The following ARFGEF2 variants were observed in gnomAD, a reference collection of about 807,000 sequenced individuals.
ARFGEF2 encodes brefeldin A-inhibited guanine nucleotide-exchange protein 2.
In ARFGEF2, 74 loss-of-function variants were observed where a neutral mutation model predicts 219.9. That is an observed-to-expected ratio of 0.34 (90% CI 0.28 to 0.41). The LOEUF (loss-of-function observed/expected upper bound fraction) is 0.41, where lower values mean the gene tolerates loss of function less well. ARFGEF2 is among the 10% of genes least tolerant of loss of function. The probability of loss-of-function intolerance (pLI) is 1.00; values close to 1 mark genes in which losing one functional copy is unlikely to be tolerated. For missense variants in ARFGEF2, 1,743 were observed against 2,218.3 expected, an observed-to-expected ratio of 0.79 and a Z score of 4.30; for synonymous variants, 733 against 799.2, an observed-to-expected ratio of 0.92 and a Z score of 1.40.
At chr20:48,997,991 G>A in intron 23 of ARFGEF2, 3 of 560,904 alleles carry the variant, frequency 5.3e-6, no homozygotes, top group Non-Finnish European at 9.7e-6. Context: ...CCAAGTAGCT[G>A]GGATTACAGG....
chr20:49,021,362 C>T (rs1323354135), intron 34 of ARFGEF2, among the ~76,000 whole-genome samples: 3 of 152,018 alleles, frequency 2.0e-5, no homozygotes, highest in African/African-American at 7.3e-5. Flanking sequence ...ATGTTTTCAA[C>T]ATTCTGATTT....
chr20:48,994,622 A>C, intron 22 of ARFGEF2, 24 bp downstream of exon 22: 1 of 1,612,612 alleles, frequency 6.2e-7, no homozygotes, highest in Non-Finnish European at 8.5e-7. Context: ...CCCCACAGCT[A>C]ACAGTCACGG....
At chr20:49,005,252 C>A in intron 26 of ARFGEF2, 31 bp downstream of exon 26, 2 of 1,613,486 alleles carry the variant, frequency 1.2e-6, no homozygotes, top group South Asian at 1.1e-5. Context: ...GACGCTTGGT[C>A]AAATTCCCCG....
At chr20:48,971,395 A>G (rs1568713450) in intron 10 of ARFGEF2, 41 bp downstream of exon 10, 5 of 1,359,888 alleles carry the variant, frequency 3.7e-6, no homozygotes, top group Non-Finnish European at 5.2e-6. Flanking sequence ...ATTTACTATT[A>G]TTATTAGTCA....
chr20:48,936,328 G>T (rs1226984051), intron 1 of ARFGEF2, among the ~76,000 whole-genome samples: 1 of 150,962 alleles, frequency 6.6e-6, no homozygotes, highest in African/African-American at 2.4e-5. Context: ...CCCGGACGGG[G>T]CGGCTGGCTG....
At chr20:49,019,944 C>T (rs1161108038) in intron 34 of ARFGEF2, among the ~76,000 whole-genome samples, 1 of 152,044 alleles carries the variant, frequency 6.6e-6, no homozygotes, top group African/African-American at 2.4e-5. Flanking sequence ...ATGTGTTTTA[C>T]TGTCATTTAA....
At position 48,941,865 on chromosome 20, in the gene ARFGEF2, C is replaced by T; in HGVS notation, c.154C>T (p.Leu52Phe). The stretch of plus-strand genomic sequence containing the variant: ...GACCCTCTCTTGCTTTTCTCCTAGG[C>T]TTGGCACTGCTGCACCACCAAAGGC... ...EIKAEIEKQR[L>F]GTAAPPKANF... The change falls in exon 3 of 39, where the codon CTT (leucine) becomes TTT (phenylalanine). Residue 52 changes from leucine (L) to phenylalanine (F), a missense_variant and splice_region_variant. By Grantham distance (22) the Leu-to-Phe change is conservative. This residue lies in a region of ARFGEF2 where 394 missense variants were observed against 426.6 expected (regional missense o/e 0.92). Coordinates refer to ENST00000371917, the MANE Select transcript of ARFGEF2 (RefSeq NM_006420.3). The T allele has an allele frequency of 6.2e-7, 1 of 1,614,238 alleles. No homozygotes were observed. Among genetic ancestry groups the T allele is most frequent in the Non-Finnish European group, 8.5e-7 (1 of 1,180,044 alleles).
intron 37 of ARFGEF2, among the ~76,000 whole-genome samples, chr20:49,031,476 G>A (rs1471812447): frequency 6.6e-6 from 1 of 152,054 alleles, no homozygotes; most frequent in Non-Finnish European, 1.5e-5. Flanking sequence ...TGATCTGCTT[G>A]CGTTGGCCTC....
rs2091088861 is a variant in ARFGEF2, at chr20:48,953,809, T to G, written c.838+19T>G. 1 of 1,609,236 alleles carries G rather than the reference T, an allele frequency of 6.2e-7. No homozygotes were observed. Among genetic ancestry groups the G allele is most frequent in the African/African-American group, 1.3e-5 (1 of 74,934 alleles). On this transcript the variant is annotated intron_variant, in intron 6 of 38. Coordinates refer to ENST00000371917, the MANE Select transcript of ARFGEF2 (RefSeq NM_006420.3). ...CTGTCAGGTACGGGCTGATACGGTA[T>G]GGCTCTTTTTCCAAGTGTGAGAGGG...
chr20:48,955,037 T>C (rs905694683), intron 6 of ARFGEF2, among the ~76,000 whole-genome samples: 1 of 152,204 alleles, frequency 6.6e-6, no homozygotes, highest in African/African-American at 2.4e-5. Context: ...GCTTCCACTT[T>C]AGCCCATTTT....
intron 23 of ARFGEF2, among the ~76,000 whole-genome samples, chr20:48,997,050 A>AT (rs1774659299): frequency 6.6e-6 from 1 of 151,796 alleles, no homozygotes; most frequent in African/African-American, 2.4e-5. Flanking sequence ...TATTCTATTT[A>AT]TTAACCACGT....
intron 1 of ARFGEF2, among the ~76,000 whole-genome samples, chr20:48,940,175 A>G (rs1440875730): frequency 6.6e-6 from 1 of 152,230 alleles, no homozygotes; most frequent in Non-Finnish European, 1.5e-5. Context: ...TTTTATTCCT[A>G]TAACCCTGCC....
chr20:49,011,887 C>T, intron 27 of ARFGEF2, 37 bp from the exon 28 acceptor site: 1 of 1,613,364 alleles, frequency 6.2e-7, no homozygotes, highest in Non-Finnish European at 8.5e-7. Context: ...ATTTCTAAAT[C>T]CTGGTCTTAT....
At chr20:48,924,185 C>T (rs1187839074) in intron 1 of ARFGEF2, among the ~76,000 whole-genome samples, 2 of 152,198 alleles carry the variant, frequency 1.3e-5, no homozygotes, top group African/African-American at 2.4e-5. Context: ...CTCTCAAGGC[C>T]CAGTCTTGTG....
chr20:49,030,043 G>T (rs2091624787), intron 37 of ARFGEF2, among the ~76,000 whole-genome samples: 2 of 151,632 alleles, frequency 1.3e-5, no homozygotes, highest in African/African-American at 4.9e-5. Flanking sequence ...GAGTAGCTGG[G>T]ACTACAGGCG....
At chr20:48,933,239 G>A (rs1336718986) in intron 1 of ARFGEF2, among the ~76,000 whole-genome samples, 2 of 152,218 alleles carry the variant, frequency 1.3e-5, no homozygotes, top group Non-Finnish European at 2.9e-5. Flanking sequence ...AAGATGTGGA[G>A]CAATAAAGTG....
intron 26 of ARFGEF2, among the ~76,000 whole-genome samples, chr20:49,007,186 A>G (rs1028401252): frequency 6.6e-6 from 1 of 152,130 alleles, no homozygotes; most frequent in Non-Finnish European, 1.5e-5. Context: ...TGTGCTGATG[A>G]ATTGGCCATG....
chr20:48,947,172 G>A lies in ARFGEF2; in HGVS notation c.277-4151G>A, dbSNP rs368260258. On this transcript the variant is annotated intron_variant, in intron 3 of 38. Coordinates refer to ENST00000371917, the MANE Select transcript of ARFGEF2 (RefSeq NM_006420.3). Reference sequence around the variant, plus strand: ...CCAGCACTTTGGGAGGCCGAGACGGGCAGATTGCCTGAGCTCAGGAGTTCA... The same window carrying A: ...CCAGCACTTTGGGAGGCCGAGACGGACAGATTGCCTGAGCTCAGGAGTTCA... 9.9e-5 allele frequency among the ~76,000 whole-genome samples: 15 copies of A among 151,646 alleles called. 1 individual carries two copies. Among genetic ancestry groups the A allele is most frequent in the South Asian group, 8.4e-4 (4 of 4,788 alleles).
intron 25 of ARFGEF2, among the ~76,000 whole-genome samples, chr20:49,000,843 C>G (rs1302124487): frequency 2.6e-5 from 4 of 152,154 alleles, no homozygotes; most frequent in Non-Finnish European, 5.9e-5. Context: ...AGGGGAACAT[C>G]AGTTTGCTCA....
Sources: allele counts gnomAD v4.1 joint callset (sites outside exome capture counted in the v4.1 genomes callset), GRCh38; gene constraint gnomAD v4.1.1; regional missense constraint gnomAD v4.1.1; transcripts MANE v1.5; gene names NCBI Gene and HGNC (gene_info 2026-07-23, HGNC 2026-07-21).